The following ATP8A2 variants were observed in gnomAD, a reference collection of about 807,000 sequenced individuals.
The protein encoded by ATP8A2 is phospholipid-transporting ATPase IB.
Under a neutral mutation model 165.6 loss-of-function variants are expected in ATP8A2, and 100 were observed. That is an observed-to-expected ratio of 0.60 (90% CI 0.51 to 0.71). The LOEUF (loss-of-function observed/expected upper bound fraction) is 0.71. Among genes scored for constraint, ATP8A2 ranks in the 30% least tolerant of loss-of-function variants. The pLI is 0.00. For missense variants in ATP8A2, 1,227 were observed against 1,479.5 expected (o/e 0.83, Z 2.80); for synonymous variants, 543 against 548.8 (o/e 0.99, Z 0.15).
chr13:25,926,945 C>T (rs1330585335), intron 33 of ATP8A2, among the ~76,000 whole-genome samples: 1 of 152,310 alleles, frequency 6.6e-6, no homozygotes, highest in African/African-American at 2.4e-5. Context: ...TCTATTGGTG[C>T]CCAGAGAGCC....
chr13:25,421,474 A>G (rs2034296525), intron 1 of ATP8A2, among the ~76,000 whole-genome samples: 1 of 152,110 alleles, frequency 6.6e-6, no homozygotes, highest in Admixed American at 6.5e-5. Context: ...AGCTAGGACT[A>G]CAGGCCCATG....
At chr13:25,571,775 T>C (rs1214920344) in intron 18 of ATP8A2, 83 bp downstream of exon 18, 3 of 1,173,648 alleles carry the variant, frequency 2.6e-6, no homozygotes, top group African/African-American at 3.0e-5. Context: ...ATTGTAAATA[T>C]GATAGCTAAA....
intron 35 of ATP8A2, among the ~76,000 whole-genome samples, chr13:25,988,503 T>A (rs1956315038): frequency 6.6e-6 from 1 of 151,766 alleles, no homozygotes; most frequent in Non-Finnish European, 1.5e-5. Flanking sequence ...ACTTTTTTTC[T>A]ATGGCCTTTT....
chr13:25,874,594 G>A (rs1021764013), intron 33 of ATP8A2, among the ~76,000 whole-genome samples: 6 of 152,178 alleles, frequency 3.9e-5, no homozygotes, highest in African/African-American at 9.7e-5. Flanking sequence ...TGGAGAGATC[G>A]AAACGCTTGT....
At chr13:25,483,033 A>G (rs1241623929) in intron 2 of ATP8A2, among the ~76,000 whole-genome samples, 2 of 152,254 alleles carry the variant, frequency 1.3e-5, no homozygotes, top group East Asian at 1.9e-4. Flanking sequence ...TATAGCCAAG[A>G]AAAGCTTTTA....
chr13:25,908,941 G>A (rs1215680593), intron 33 of ATP8A2, among the ~76,000 whole-genome samples: 1 of 152,268 alleles, frequency 6.6e-6, no homozygotes, highest in South Asian at 2.1e-4. Context: ...GATGATAAGA[G>A]GAGCAAACAA....
intron 25 of ATP8A2, among the ~76,000 whole-genome samples, chr13:25,739,917 C>A (rs1320103778): frequency 1.3e-5 from 2 of 152,122 alleles, no homozygotes; most frequent in African/African-American, 4.8e-5. Context: ...GAAATGTGCA[C>A]CAAAATGCCA....
chr13:25,964,945 G>C (rs1378634296), intron 34 of ATP8A2, among the ~76,000 whole-genome samples: 1 of 152,118 alleles, frequency 6.6e-6, no homozygotes, highest in African/African-American at 2.4e-5. Flanking sequence ...GGATCATCTG[G>C]GGTCAGGAGT....
intron 24 of ATP8A2, among the ~76,000 whole-genome samples, chr13:25,602,018 A>G (rs1238342828): frequency 6.6e-6 from 1 of 151,702 alleles, no homozygotes; most frequent in Non-Finnish European, 1.5e-5. Flanking sequence ...TTTTTTTCCT[A>G]CCATCTGCTA....
At chr13:25,420,682 C>T (rs1003242511) in intron 1 of ATP8A2, among the ~76,000 whole-genome samples, 1 of 152,160 alleles carries the variant, frequency 6.6e-6, no homozygotes, top group African/African-American at 2.4e-5. Context: ...GCCTGCACAT[C>T]CTGCACATGT....
intron 25 of ATP8A2, among the ~76,000 whole-genome samples, chr13:25,761,925 C>T (rs1216563429): frequency 6.6e-6 from 1 of 151,788 alleles, no homozygotes; most frequent in Non-Finnish European, 1.5e-5. Context: ...CCCAGGAGAG[C>T]CCTTTGTAAG....
At chr13:25,917,762 G>A (rs1036236382) in intron 33 of ATP8A2, among the ~76,000 whole-genome samples, 5 of 152,166 alleles carry the variant, frequency 3.3e-5, no homozygotes, top group Admixed American at 2.6e-4. Flanking sequence ...TTTTAAAATA[G>A]CATGGCTTTC....
At chr13:25,877,203 A>G (rs1052454336) in intron 33 of ATP8A2, among the ~76,000 whole-genome samples, 1 of 152,214 alleles carries the variant, frequency 6.6e-6, no homozygotes, top group African/African-American at 2.4e-5. Context: ...CACCTACCAG[A>G]TGCCATTTTA....
chr13:25,626,025 G>A (rs1158758241), intron 24 of ATP8A2, among the ~76,000 whole-genome samples: 1 of 152,172 alleles, frequency 6.6e-6, no homozygotes, highest in Non-Finnish European at 1.5e-5. Flanking sequence ...TTGAATCAAT[G>A]TGATTGTAAT....
At chr13:25,908,116 A>G (rs1490361682) in intron 33 of ATP8A2, among the ~76,000 whole-genome samples, 2 of 152,244 alleles carry the variant, frequency 1.3e-5, no homozygotes, top group Non-Finnish European at 2.9e-5. Flanking sequence ...AACATTCGTC[A>G]TTTGAGATAA....
chr13:25,501,598 G>T (rs2137701242), intron 2 of ATP8A2, among the ~76,000 whole-genome samples: 1 of 152,322 alleles, frequency 6.6e-6, no homozygotes, highest in African/African-American at 2.4e-5. Flanking sequence ...GGTCAGTGAA[G>T]CCCCAGGGGC....
chr13:25,857,570 C>CTTTTTTTTT (rs71080207), intron 30 of ATP8A2, among the ~76,000 whole-genome samples: 1 of 91,582 alleles, frequency 1.1e-5, no homozygotes, highest in Non-Finnish European at 2.1e-5. Context: ...CTTTTTTTTC[C>CTTTTTTTTT]TTTTTTTTTT....
chr13:25,901,048 G>A (rs975026130), intron 33 of ATP8A2, among the ~76,000 whole-genome samples: 3 of 152,222 alleles, frequency 2.0e-5, no homozygotes, highest in Non-Finnish European at 4.4e-5. Flanking sequence ...GGTGGGCTGG[G>A]GGATGACTGC....
chr13:25,925,289 C>T (rs1954568386), intron 33 of ATP8A2, among the ~76,000 whole-genome samples: 1 of 152,170 alleles, frequency 6.6e-6, no homozygotes, highest in Non-Finnish European at 1.5e-5. Flanking sequence ...AATCCCAGCA[C>T]TTTGGGAGGC....
Sources: allele counts gnomAD v4.1 joint callset (sites outside exome capture counted in the v4.1 genomes callset), GRCh38; gene constraint gnomAD v4.1.1; transcripts MANE v1.5; gene names NCBI Gene and HGNC (gene_info 2026-07-23, HGNC 2026-07-21).